The following DDX10 variants were observed in gnomAD, a reference collection of about 807,000 sequenced individuals.
DDX10 encodes the protein probable ATP-dependent RNA helicase DDX10.
DDX10 carries 74 observed loss-of-function variants against 104.3 expected under a neutral mutation model. That is an observed-to-expected ratio of 0.71 (90% confidence interval 0.59 to 0.86). The LOEUF is 0.86. Ranked by LOEUF, DDX10 falls within the 40% of genes least tolerant of loss-of-function variation. DDX10 has a pLI of 0.00. For missense variants in DDX10, 952 were observed against 1,040.0 expected (o/e 0.92, Z 1.16); for synonymous variants, 351 against 353.4 (o/e 0.99, Z 0.08).
intron 13 of DDX10, among the ~76,000 whole-genome samples, chr11:108,830,973 C>T (rs1258425709): frequency 6.6e-6 from 1 of 151,722 alleles, no homozygotes; most frequent in Non-Finnish European, 1.5e-5. Context: ...AGGCATTATA[C>T]TTTGATAGCA....
intron 9 of DDX10, among the ~76,000 whole-genome samples, chr11:108,698,718 A>G (rs1221907662): frequency 6.6e-6 from 1 of 152,232 alleles, no homozygotes; most frequent in African/African-American, 2.4e-5. Context: ...CTAAAACATA[A>G]GTCGGATTAT....
At position 108,677,170 on chromosome 11, in the gene DDX10, A is replaced by G. The variant is rs981240385; in HGVS notation, c.464A>G (p.Tyr155Cys). 1.9e-6 allele frequency: 3 copies of G among 1,614,012 alleles called. No homozygotes were observed. The highest frequency in any genetic ancestry group is 2.5e-6 in the Non-Finnish European group (3 of 1,179,950). ...ATATCACCTACGAGAGAACTGGCCT[A>G]TCAGACCTTTGAGGTTCTCCGAAAA... is the stretch of plus-strand genomic sequence containing the variant. ...LIISPTRELA[Y>C]QTFEVLRKVG... The change falls in exon 4 of 18, where the codon TAT becomes TGT. Residue 155 changes from tyrosine (Y) to cysteine (C), a missense_variant. By Grantham distance (194) the Tyr-to-Cys change is radical. Coordinates refer to ENST00000322536, the MANE Select transcript of DDX10 (RefSeq NM_004398.4).
chr11:108,897,927 A>T (rs1863462161), intron 16 of DDX10, among the ~76,000 whole-genome samples: 1 of 152,174 alleles, frequency 6.6e-6, no homozygotes, highest in East Asian at 1.9e-4. Flanking sequence ...CTTCATGGAA[A>T]GCCCATGAAG....
intron 16 of DDX10, among the ~76,000 whole-genome samples, chr11:108,897,291 T>C (rs911405708): frequency 6.6e-6 from 1 of 152,076 alleles, no homozygotes; most frequent in African/African-American, 2.4e-5. Context: ...GGGTCTCAGC[T>C]TCCCAGCTGA....
intron 16 of DDX10, among the ~76,000 whole-genome samples, chr11:108,863,861 A>C (rs775931911): frequency 2.0e-5 from 3 of 152,212 alleles, no homozygotes; most frequent in Admixed American, 6.5e-5. Context: ...TTCATCAGTA[A>C]TGCTAGATCA....
In DDX10 at chr11:108,703,837, G is replaced by A. The variant is rs866757428; in HGVS notation, c.1224-2902G>A. Among the ~76,000 whole-genome samples, 18 of 152,220 alleles carry A rather than the reference G, an allele frequency of 1.2e-4. No individual in the cohort carries two copies. The Middle Eastern group carries it at 0.01, about 86-fold the overall frequency. On this transcript the variant is annotated intron_variant, in intron 9 of 17. Transcript: ENST00000322536. Reference sequence around the variant, plus strand: ...TTACTGGGGAACTTTTGGTATTAGCGTGTGGGAGATAACTTGTGGTTTATG... The same window carrying A: ...TTACTGGGGAACTTTTGGTATTAGCATGTGGGAGATAACTTGTGGTTTATG...
intron 9 of DDX10, among the ~76,000 whole-genome samples, chr11:108,705,158 G>A (rs139571934): frequency 2.0e-4 from 31 of 152,220 alleles, no homozygotes; most frequent in Middle Eastern, 6.8e-3. Context: ...GTTTGTGTAC[G>A]CTGGCTTCAG....
chr11:108,701,614 A>G (rs1046600216), intron 9 of DDX10, among the ~76,000 whole-genome samples: 13 of 151,690 alleles, frequency 8.6e-5, no homozygotes, highest in Non-Finnish European at 7.4e-5. Context: ...TAATAGTACA[A>G]CAGGACTAGA....
chr11:108,685,148 G>C (rs564650678), intron 6 of DDX10, among the ~76,000 whole-genome samples: 1 of 151,678 alleles, frequency 6.6e-6, no homozygotes, highest in South Asian at 2.1e-4. Context: ...CCATGTTGTA[G>C]GTTGCCTGTT....
intron 9 of DDX10, among the ~76,000 whole-genome samples, chr11:108,697,458 CA>C (rs1208416878): frequency 6.6e-6 from 1 of 152,060 alleles, no homozygotes; most frequent in Non-Finnish European, 1.5e-5. Flanking sequence ...AATTCATTAG[CA>C]AAATAGCTAA....
chr11:108,894,190 T>G (rs547039528), intron 16 of DDX10, among the ~76,000 whole-genome samples: 91 of 152,170 alleles, frequency 6.0e-4, no homozygotes, highest in Middle Eastern at 3.4e-3. Context: ...ACACTTTGCA[T>G]GTTTTAGCAG....
At chr11:108,726,378 G>C (rs2094305481) in intron 13 of DDX10, among the ~76,000 whole-genome samples, 1 of 151,894 alleles carries the variant, frequency 6.6e-6, no homozygotes, top group Non-Finnish European at 1.5e-5. Flanking sequence ...TGTCTTTTTA[G>C]CATTGCTTTA....
chr11:108,872,860 C>T (rs1301695148), intron 16 of DDX10, among the ~76,000 whole-genome samples: 2 of 145,014 alleles, frequency 1.4e-5, no homozygotes, highest in African/African-American at 5.0e-5. Context: ...CGGTCATTCT[C>T]TTTCCCTTCC....
chr11:108,934,925 C>T (rs1864018363), intron 17 of DDX10, among the ~76,000 whole-genome samples: 1 of 152,334 alleles, frequency 6.6e-6, no homozygotes, highest in East Asian at 1.9e-4. Context: ...GTGACACTCT[C>T]CTCTGTTAAC....
intron 16 of DDX10, among the ~76,000 whole-genome samples, chr11:108,915,262 A>T (rs1863731918): frequency 6.6e-6 from 1 of 152,184 alleles, no homozygotes; most frequent in Admixed American, 6.5e-5. Context: ...GAGGAAAATG[A>T]TACTTGCTTA....
intron 2 of DDX10, among the ~76,000 whole-genome samples, chr11:108,674,949 A>C (rs1225502729): frequency 6.6e-6 from 1 of 152,020 alleles, no homozygotes; most frequent in Non-Finnish European, 1.5e-5. Context: ...TGGCTTTTTT[A>C]GATTCTACAT....
At chr11:108,824,427 A>T (rs1327579524) in intron 13 of DDX10, among the ~76,000 whole-genome samples, 1 of 152,194 alleles carries the variant, frequency 6.6e-6, no homozygotes, top group African/African-American at 2.4e-5. Flanking sequence ...GACACAAGTT[A>T]TCTTTACTTT....
At chr11:108,865,027 G>T (rs1326519866) in intron 16 of DDX10, among the ~76,000 whole-genome samples, 1 of 152,152 alleles carries the variant, frequency 6.6e-6, no homozygotes, top group Non-Finnish European at 1.5e-5. Flanking sequence ...AATATGAGAG[G>T]TATGTTGCCA....
At position 108,840,655 on chromosome 11, in the gene DDX10, T is replaced by C. The variant is rs1056521879; in HGVS notation, c.2086-660T>C. Among the ~76,000 whole-genome samples, 4 of 152,304 alleles carry C rather than the reference T, an allele frequency of 2.6e-5. No homozygotes were observed. In the South Asian group the frequency reaches 6.2e-4, roughly 24 times the overall value. On this transcript the variant is annotated intron_variant, in intron 14 of 17. Coordinates refer to ENST00000322536, the MANE Select transcript of DDX10 (RefSeq NM_004398.4). ...TACCCTAAACTGTATGTGTAAAATATGTGGATTTGAGCAAGCCTGTGAAAC... is the reference window on the plus strand; with the variant it reads ...TACCCTAAACTGTATGTGTAAAATACGTGGATTTGAGCAAGCCTGTGAAAC...
Sources: gnomAD v4.1 joint callset for allele counts (sites outside exome capture counted in the v4.1 genomes callset) on GRCh38, gnomAD v4.1.1 for gene constraint, MANE v1.5 for transcripts, NCBI Gene and HGNC (gene_info 2026-07-23, HGNC 2026-07-21) for gene names.